Variants in RXRG observed in about 807,000 individuals in gnomAD.
RXRG encodes the protein retinoid X receptor gamma, also known as retinoic acid receptor RXR-gamma.
In RXRG, 19 loss-of-function variants were observed where a neutral mutation model predicts 49.2. The ratio of observed to expected loss-of-function variants is 0.39; its 90% CI spans 0.27 to 0.57. The LOEUF (loss-of-function observed/expected upper bound fraction) is 0.57. RXRG is among the 20% of genes least tolerant of loss of function. The probability of loss-of-function intolerance (pLI) is 0.64; values close to 1 mark genes in which losing one functional copy is unlikely to be tolerated. For missense variants in RXRG, 452 were observed against 592.5 expected (o/e 0.76, Z 2.46); for synonymous variants, 224 against 216.6 (o/e 1.03, Z -0.30).
At chr1:165,435,890 C>T (rs1170565004) in intron 1 of RXRG, among the ~76,000 whole-genome samples, 1 of 152,206 alleles carries the variant, frequency 6.6e-6, no homozygotes, top group African/African-American at 2.4e-5. Context: ...TGTACCATCT[C>T]TGTGACAACT....
chr1:165,433,262 G>A (rs1047569101), intron 1 of RXRG, among the ~76,000 whole-genome samples: 1 of 152,124 alleles, frequency 6.6e-6, no homozygotes, highest in Non-Finnish European at 1.5e-5. Flanking sequence ...CTCCAGAACT[G>A]TGAGCAATAA....
intron 4 of RXRG, among the ~76,000 whole-genome samples, chr1:165,413,272 A>C (rs949228557): frequency 6.6e-6 from 1 of 152,164 alleles, no homozygotes; most frequent in Non-Finnish European, 1.5e-5. Context: ...AAATAAAACC[A>C]AACTTCTGCC....
chr1:165,434,271 C>CGTGTGTGTGTGTGTGT (rs1491363219), intron 1 of RXRG, among the ~76,000 whole-genome samples: 14 of 120,782 alleles, frequency 1.2e-4, no homozygotes, highest in Admixed American at 6.5e-4. Flanking sequence ...CAATGAATTG[C>CGTGTGTGTGTGTGTGT]ATGTGTGTAT....
intron 2 of RXRG, among the ~76,000 whole-genome samples, chr1:165,426,471 C>T (rs917633836): frequency 1.3e-5 from 2 of 152,170 alleles, no homozygotes; most frequent in Non-Finnish European, 2.9e-5. Context: ...TCTCTAAGGC[C>T]GTCTCCAAAT....
chr1:165,419,931 T>C lies in RXRG; in HGVS notation c.381A>G (p.Pro127=), dbSNP rs199781666. 4.8e-5 allele frequency: 77 copies of C among 1,613,662 alleles called. No homozygotes were observed. In the African/African-American group the frequency reaches 8.7e-4, roughly 18 times the overall value. Residue 127 remains proline (P), a synonymous_variant, in exon 3 of 10, where the codon CCA becomes CCG. Transcript: ENST00000359842. ...TAACCAGAGATCCGGGGCTGGTGGATGGGTAGTTCATGTTTCCAATCCCGG... is the reference window on the plus strand; with the variant it reads ...TAACCAGAGATCCGGGGCTGGTGGACGGGTAGTTCATGTTTCCAATCCCGG... ...GLPGIGNMNY[P]STSPGSLVKH... is the part of the protein sequence containing the mutation.
rs1571295530 is a variant in RXRG at position 165,444,863 on chromosome 1, A to G, written c.31T>C (p.Phe11Leu). 2 of 1,614,204 alleles carry G rather than the reference A, an allele frequency of 1.2e-6. No individual in the cohort carries two copies. Among genetic ancestry groups the G allele is most frequent in the Non-Finnish European group, 1.7e-6 (2 of 1,180,014 alleles). ...TACTTACCTCCATAGCCTGCGGGAA[A>G]CTTCATGAAGTGAGAATAATTTCCA... MYGNYSHFMK[F>L]PAGYGGSPGH... The change falls in exon 1 of 10, where the codon TTT becomes CTT. Residue 11 changes from phenylalanine to leucine, a missense_variant. Physicochemically the swap from Phe to Leu is conservative, Grantham distance 22. This residue lies in a region of RXRG where 166 missense variants were observed against 151.7 expected (regional missense o/e 1.09). Transcript: ENST00000359842.
At chr1:165,443,747 A>C (rs1474889396) in intron 1 of RXRG, among the ~76,000 whole-genome samples, 3 of 152,214 alleles carry the variant, frequency 2.0e-5, no homozygotes, top group Admixed American at 1.3e-4. Context: ...TCTACCTTGC[A>C]GTGTGTCACC....
At chr1:165,435,454 A>G (rs769980034) in intron 1 of RXRG, among the ~76,000 whole-genome samples, 3 of 152,210 alleles carry the variant, frequency 2.0e-5, no homozygotes, top group Non-Finnish European at 4.4e-5. Context: ...GAGCAGGGCC[A>G]GGATCCAAAT....
At chr1:165,411,855 C>T (rs1163437857) in intron 4 of RXRG, among the ~76,000 whole-genome samples, 2 of 152,272 alleles carry the variant, frequency 1.3e-5, no homozygotes, top group East Asian at 1.9e-4. Context: ...ACTGCTGCCC[C>T]CTCCAATTCT....
At chr1:165,437,497 T>C (rs1658851225) in intron 1 of RXRG, among the ~76,000 whole-genome samples, 1 of 152,210 alleles carries the variant, frequency 6.6e-6, no homozygotes, top group Admixed American at 6.5e-5. Flanking sequence ...GGAATATAGT[T>C]CGCTGTATTT....
chr1:165,417,342 A>G (rs879552785), intron 3 of RXRG, 122 bp from the exon 4 acceptor site: 8 of 832,006 alleles, frequency 9.6e-6, no homozygotes, highest in Non-Finnish European at 1.3e-5. Flanking sequence ...TTGGGACAGA[A>G]AGCAAATAAT....
At chr1:165,425,066 C>A (rs1364780866) in intron 2 of RXRG, 2 of 456,708 alleles carry the variant, frequency 4.4e-6, no homozygotes, top group Non-Finnish European at 5.8e-6. Context: ...GCCCAGTTGG[C>A]CAGGACCAAA....
chr1:165,413,153 A>C (rs1658007556), intron 4 of RXRG, among the ~76,000 whole-genome samples: 1 of 152,194 alleles, frequency 6.6e-6, no homozygotes, highest in Non-Finnish European at 1.5e-5. Context: ...TTCCTGTCAT[A>C]AATGAGGAGT....
intron 1 of RXRG, among the ~76,000 whole-genome samples, chr1:165,435,300 G>T (rs1658789959): frequency 6.6e-6 from 1 of 152,112 alleles, no homozygotes; most frequent in Non-Finnish European, 1.5e-5. Flanking sequence ...CCCTTCCAAG[G>T]GCATGGCATG....
chr1:165,423,452 G>T (rs1241241299), intron 2 of RXRG, among the ~76,000 whole-genome samples: 1 of 152,180 alleles, frequency 6.6e-6, no homozygotes, highest in Non-Finnish European at 1.5e-5. Context: ...CTTGAACATT[G>T]AGTCCTGCAT....
chr1:165,404,148 C>T (rs1657669696), intron 9 of RXRG, among the ~76,000 whole-genome samples: 1 of 152,216 alleles, frequency 6.6e-6, no homozygotes, highest in African/African-American at 2.4e-5. Flanking sequence ...CCAGGTTCTG[C>T]GGACCAGAGG....
chr1:165,401,238 G>T lies in RXRG; in HGVS notation c.*25C>A. ...CACACCTGCCCAGGGGTCATCCTGG[G>T]TGGGGAGGCTGTGGCTGGTGGGGCT... is the stretch of plus-strand genomic sequence containing the variant. On this transcript the variant is annotated 3_prime_UTR_variant, in exon 10 of 10. Coordinates refer to ENST00000359842, the MANE Select transcript of RXRG (RefSeq NM_006917.5). The T allele has an allele frequency of 1.2e-6, 2 of 1,612,816 alleles. No homozygotes were observed. Among genetic ancestry groups the T allele is most frequent in the African/African-American group, 1.3e-5 (1 of 74,914 alleles).
chr1:165,409,791 GA>G, intron 6 of RXRG, 101 bp from the exon 7 acceptor site: 1 of 1,107,014 alleles, frequency 9.0e-7, no homozygotes. Flanking sequence ...AACACAAGCA[GA>G]ATTGACAATC....
intron 6 of RXRG, 126 bp downstream of exon 6, chr1:165,410,576 G>T: frequency 9.3e-7 from 1 of 1,073,602 alleles, no homozygotes; most frequent in Non-Finnish European, 1.3e-6. Context: ...ACCCCGCACA[G>T]GGTTATTTCA....
Sources: allele counts gnomAD v4.1 joint callset (sites outside exome capture counted in the v4.1 genomes callset), GRCh38; gene constraint gnomAD v4.1.1; regional missense constraint gnomAD v4.1.1; transcripts MANE v1.5; gene names NCBI Gene and HGNC (gene_info 2026-07-23, HGNC 2026-07-21).